Variants in TRA2B observed in about 807,000 individuals in gnomAD.
TRA2B encodes the protein transformer-2 protein homolog beta.
In TRA2B, 14 loss-of-function variants were observed where a neutral mutation model predicts 41.7. The observed-to-expected ratio is 0.34, with a 90% CI of 0.22 to 0.53. The LOEUF (loss-of-function observed/expected upper bound fraction) is 0.53. Among genes scored for constraint, TRA2B ranks in the 20% least tolerant of loss-of-function variants. The probability of loss-of-function intolerance (pLI) is 0.95; values close to 1 mark genes in which losing one functional copy is unlikely to be tolerated. For missense variants in TRA2B, 167 were observed against 396.8 expected, an observed-to-expected ratio of 0.42 and a Z score of 4.92; for synonymous variants, 130 against 128.8, an observed-to-expected ratio of 1.01 and a Z score of -0.06.
At chr3:185,931,939 C>G in intron 1 of TRA2B, 1 of 993,682 alleles carries the variant, frequency 1.0e-6, no homozygotes, top group East Asian at 3.2e-5. Context: ...AAAAAAAATC[C>G]CTTTGTTGAT....
In TRA2B at chr3:185,934,784, A is replaced by C. The variant is rs568031283; in HGVS notation, c.36+3041T>G. The C allele has an allele frequency of 3.1e-4, 309 of 985,444 alleles. 3 individuals are homozygous for C. In the Middle Eastern group the frequency reaches 7.3e-3, roughly 23 times the overall value. 61.0% of individuals were successfully genotyped at this position (985,444 alleles called of 1,614,324 possible). The stretch of plus-strand genomic sequence containing the variant: ...AGAAAAACTGCAGAATTTGAAAAGC[A>C]GTTTGATGGGTTGGTGTCCAGATGC... On this transcript the variant is annotated intron_variant, in intron 1 of 8. Transcript: ENST00000453386.
intron 1 of TRA2B, among the ~76,000 whole-genome samples, chr3:185,929,230 T>A (rs1403798413): frequency 6.6e-6 from 1 of 152,198 alleles, no homozygotes; most frequent in African/African-American, 2.4e-5. Context: ...GCCATTTAAC[T>A]GGCTGGGAAA....
At chr3:185,936,196 G>A in intron 1 of TRA2B, 1 of 985,344 alleles carries the variant, frequency 1.0e-6, no homozygotes, top group Non-Finnish European at 1.2e-6. Flanking sequence ...CCCAATAATT[G>A]AATTTTTCTG....
chr3:185,916,679 A>C lies in TRA2B; in HGVS notation c.*1036T>G, dbSNP rs1218895266. On this transcript the variant is annotated 3_prime_UTR_variant, in exon 9 of 9. Transcript: ENST00000453386. Reference sequence around the variant, plus strand: ...CAAGGAACACACTGCCCTAACGATTAAACTACAGAAGAACTCTAATTATAA... The same window carrying C: ...CAAGGAACACACTGCCCTAACGATTCAACTACAGAAGAACTCTAATTATAA... 1 of 152,626 alleles carries C rather than the reference A, an allele frequency of 6.6e-6. No homozygotes were observed. The highest frequency in any genetic ancestry group is 2.4e-5 in the African/African-American group (1 of 41,460). 9.5% of individuals were successfully genotyped at this position (152,626 alleles called of 1,614,324 possible).
intron 3 of TRA2B, 69 bp from the exon 4 acceptor site, chr3:185,924,053 C>T: frequency 7.1e-7 from 1 of 1,405,574 alleles, no homozygotes; most frequent in Non-Finnish European, 9.6e-7. Flanking sequence ...AAAAAGGGAG[C>T]TGTATACTAG....
chr3:185,937,755 G>GC, intron 1 of TRA2B, 70 bp downstream of exon 1: 1 of 1,607,564 alleles, frequency 6.2e-7, no homozygotes, highest in Non-Finnish European at 8.5e-7. Context: ...CTGGCCCGAG[G>GC]CCGACGGGCC....
At position 185,937,974 on chromosome 3, in the gene TRA2B, C is replaced by A; in HGVS notation, c.-114G>T. 1 of 1,318,922 alleles carries A rather than the reference C, an allele frequency of 7.6e-7. No homozygotes were observed. Among genetic ancestry groups the A allele is most frequent in the Non-Finnish European group, 1.1e-6 (1 of 938,894 alleles). The allele number at this position is 1,318,922 out of a possible 1,614,324, so 81.7% of individuals were successfully genotyped here. A position where few individuals can be genotyped will look rare whatever the true frequency, so the allele number is the denominator to read the frequency against. ...GCACGACGCGCCGGTCGCCCAGCCG[C>A]TCAGAGCCGAAATGCTCCGCACCGC... is the stretch of plus-strand genomic sequence containing the variant. On this transcript the variant is annotated 5_prime_UTR_variant, in exon 1 of 9. Transcript: ENST00000453386.
At chr3:185,937,485 C>G in intron 1 of TRA2B, 2 of 1,080,310 alleles carry the variant, frequency 1.9e-6, no homozygotes, top group Non-Finnish European at 2.3e-6. Context: ...GGCGGACCTT[C>G]GCAGGAGAGC....
intron 1 of TRA2B, among the ~76,000 whole-genome samples, chr3:185,933,065 C>T (rs750389736): frequency 3.9e-5 from 6 of 152,122 alleles, no homozygotes; most frequent in Non-Finnish European, 8.8e-5. Context: ...TTCTTTAAAT[C>T]TCCATCACTA....
chr3:185,930,049 G>A (rs372425719), intron 1 of TRA2B, among the ~76,000 whole-genome samples: 1 of 152,130 alleles, frequency 6.6e-6, no homozygotes, highest in Admixed American at 6.6e-5. Flanking sequence ...ACCCACAGAT[G>A]CTTTGGTCAA....
intron 5 of TRA2B, among the ~76,000 whole-genome samples, chr3:185,921,560 C>A (rs139750151): frequency 2.6e-5 from 4 of 152,040 alleles, no homozygotes; most frequent in Non-Finnish European, 5.9e-5. Flanking sequence ...GTCAGGAGAT[C>A]GAGAACATCC....
intron 1 of TRA2B, chr3:185,936,133 G>A: frequency 2.0e-6 from 2 of 985,312 alleles, no homozygotes; most frequent in South Asian, 4.7e-5. Context: ...GTATTCAATC[G>A]AGAGCTCTAG....
chr3:185,931,286 A>G (rs1414664854), intron 1 of TRA2B, among the ~76,000 whole-genome samples: 1 of 152,224 alleles, frequency 6.6e-6, no homozygotes, highest in Non-Finnish European at 1.5e-5. Context: ...GTATTCGCTC[A>G]TGCCCCAGGA....
rs1159095875 is a variant in TRA2B, at chr3:185,917,313, T to C, written c.*402A>G. ...TGAATAGTTCTGCTAAGCATTGATA[T>C]GTTAGAAAGAAAAGTAAAAATCAAA... On this transcript the variant is annotated 3_prime_UTR_variant, in exon 9 of 9. Coordinates refer to ENST00000453386, the MANE Select transcript of TRA2B (RefSeq NM_004593.3). The C allele has an allele frequency of 1.6e-5, 3 of 182,446 alleles. No individual in the cohort carries two copies. The highest frequency in any genetic ancestry group is 7.1e-5 in the African/African-American group (3 of 42,348). 11.3% of individuals were successfully genotyped at this position (182,446 alleles called of 1,614,324 possible).
At chr3:185,917,762 T>G in intron 8 of TRA2B, 37 bp from the exon 9 acceptor site, 2 of 1,601,182 alleles carry the variant, frequency 1.2e-6, no homozygotes, top group Non-Finnish European at 1.7e-6. Context: ...TAATATTAAG[T>G]GAACTAATTA....
intron 8 of TRA2B, among the ~76,000 whole-genome samples, chr3:185,918,010 GCTA>G (rs1436443154): frequency 1.3e-5 from 2 of 152,114 alleles, no homozygotes; most frequent in Admixed American, 1.3e-4. Context: ...CTCTTGAAAA[GCTA>G]CTAAATGGTG....
chr3:185,921,498 C>T (rs1323309402), intron 5 of TRA2B, among the ~76,000 whole-genome samples: 1 of 152,226 alleles, frequency 6.6e-6, no homozygotes, highest in Non-Finnish European at 1.5e-5. Context: ...GGTGCAGCAA[C>T]TCACGCCTGT....
chr3:185,933,800 G>A (rs1744242636), intron 1 of TRA2B, among the ~76,000 whole-genome samples: 1 of 145,382 alleles, frequency 6.9e-6, no homozygotes, highest in African/African-American at 2.4e-5. Flanking sequence ...ATATAGCACA[G>A]ACTGTTAAAT....
At chr3:185,931,713 G>T in intron 1 of TRA2B, 1 of 1,367,588 alleles carries the variant, frequency 7.3e-7, no homozygotes, top group African/African-American at 1.5e-5. Context: ...TTCTACAAGT[G>T]GGACTTCTGG....
Sources: allele counts gnomAD v4.1 joint callset (sites outside exome capture counted in the v4.1 genomes callset), GRCh38; gene constraint gnomAD v4.1.1; transcripts MANE v1.5; gene names NCBI Gene and HGNC (gene_info 2026-07-23, HGNC 2026-07-21).